Variants in CDH4 observed in about 807,000 individuals in gnomAD.
CDH4 encodes the protein cadherin 4.
CDH4 carries 33 observed loss-of-function variants against 86.0 expected under a neutral mutation model. The observed-to-expected ratio is 0.38, with a 90% CI of 0.29 to 0.51. CDH4 has a LOEUF of 0.51. Among genes scored for constraint, CDH4 ranks in the 20% least tolerant of loss-of-function variants. The probability of loss-of-function intolerance (pLI) is 0.86; values close to 1 mark genes in which losing one functional copy is unlikely to be tolerated. For missense variants in CDH4, 1,114 were observed against 1,307.4 expected (o/e 0.85, Z 2.28); for synonymous variants, 555 against 549.4 (o/e 1.01, Z -0.14).
intron 2 of CDH4, among the ~76,000 whole-genome samples, chr20:61,608,370 AAG>A (rs925052886): frequency 2.0e-5 from 3 of 152,276 alleles, no homozygotes; most frequent in African/African-American, 7.2e-5. Context: ...GAACAAAGAG[AAG>A]AGTCTATGAA....
chr20:61,471,645 T>C (rs1297443285), intron 2 of CDH4, among the ~76,000 whole-genome samples: 1 of 152,092 alleles, frequency 6.6e-6, no homozygotes, highest in Non-Finnish European at 1.5e-5. Context: ...TAGGTGCTTA[T>C]AGCTATAAAC....
rs1191892395 is a variant in CDH4 at position 61,626,348 on chromosome 20, A to G, written c.170-117215A>G. The stretch of plus-strand genomic sequence containing the variant: ...TGCAGAGGCCAGTTTCACTGGTCTC[A>G]TTGCACTGTCACCTGCGTTTTCTGT... On this transcript the variant is annotated intron_variant, in intron 2 of 15. Coordinates refer to ENST00000614565, the MANE Select transcript of CDH4 (RefSeq NM_001794.5). 4.6e-5 allele frequency among the ~76,000 whole-genome samples: 7 copies of G among 152,330 alleles called. No individual in the cohort carries two copies. The East Asian group carries it at 9.6e-4, about 21-fold the overall frequency.
At chr20:61,465,400 TCA>T (rs1323273235) in intron 2 of CDH4, among the ~76,000 whole-genome samples, 4 of 152,166 alleles carry the variant, frequency 2.6e-5, no homozygotes, top group African/African-American at 9.7e-5. Flanking sequence ...TCCTCTCTTT[TCA>T]CACACGTGAA....
chr20:61,675,772 C>T (rs11204441), intron 2 of CDH4, among the ~76,000 whole-genome samples: 10,715 of 57,922 alleles, frequency 0.18, 1,812 homozygotes, highest in Middle Eastern at 0.21. Flanking sequence ...ACAACCATCG[C>T]AGGGGCTGAG....
At chr20:61,901,537 T>C (rs1427855528) in intron 8 of CDH4, among the ~76,000 whole-genome samples, 1 of 152,226 alleles carries the variant, frequency 6.6e-6, no homozygotes, top group East Asian at 1.9e-4. Context: ...ACAGGAGCCG[T>C]CAGGGCCGGC....
At chr20:61,843,342 C>T (rs574183542) in intron 4 of CDH4, among the ~76,000 whole-genome samples, 2 of 149,098 alleles carry the variant, frequency 1.3e-5, no homozygotes, top group Non-Finnish European at 3.0e-5. Context: ...CCCAGCTACT[C>T]AGGAGGCTGA....
intron 2 of CDH4, among the ~76,000 whole-genome samples, chr20:61,273,291 A>G (rs113908105): frequency 0.023 from 878 of 37,650 alleles, no homozygotes; most frequent in Middle Eastern, 0.032. Flanking sequence ...AGTATTGGGG[A>G]AGTACCATGT....
chr20:61,561,319 T>C (rs4925255), intron 2 of CDH4, among the ~76,000 whole-genome samples: 40,615 of 152,238 alleles, frequency 0.27, 5,996 homozygotes, highest in African/African-American at 0.39. Context: ...CCCTGTGTTT[T>C]CACCACAGCC....
At chr20:61,283,494 G>T (rs1394344187) in intron 2 of CDH4, among the ~76,000 whole-genome samples, 1 of 114,288 alleles carries the variant, frequency 8.7e-6, no homozygotes, top group East Asian at 3.2e-4. Flanking sequence ...TGATGTAGGT[G>T]CATTTGCACG....
At chr20:61,705,838 A>T (rs1248190454) in intron 2 of CDH4, among the ~76,000 whole-genome samples, 1 of 152,238 alleles carries the variant, frequency 6.6e-6, no homozygotes, top group African/African-American at 2.4e-5. Flanking sequence ...TCTTCTGCAC[A>T]CATTTGTGTC....
intron 2 of CDH4, among the ~76,000 whole-genome samples, chr20:61,735,599 C>G (rs6121793): frequency 0.22 from 32,790 of 152,108 alleles, 3,809 homozygotes; most frequent in East Asian, 0.44. Flanking sequence ...CCAGCGCCTT[C>G]GGGGCCACTG....
At chr20:61,627,267 G>C (rs2086837906) in intron 2 of CDH4, among the ~76,000 whole-genome samples, 1 of 152,210 alleles carries the variant, frequency 6.6e-6, no homozygotes, top group South Asian at 2.1e-4. Flanking sequence ...GACTGTGCCA[G>C]AGTTCCACCC....
At chr20:61,636,720 C>T (rs745987015) in intron 2 of CDH4, among the ~76,000 whole-genome samples, 19 of 152,258 alleles carry the variant, frequency 1.2e-4, no homozygotes, top group Non-Finnish European at 2.4e-4. Context: ...GAGTTCCACG[C>T]CCTCCCCTGG....
intron 2 of CDH4, among the ~76,000 whole-genome samples, chr20:61,292,752 G>A (rs923557285): frequency 4.6e-5 from 7 of 152,272 alleles, no homozygotes; most frequent in Admixed American, 4.6e-4. Context: ...CCAGAAACAC[G>A]AGAAAATAGA....
chr20:61,679,432 C>T (rs531780776), intron 2 of CDH4, among the ~76,000 whole-genome samples: 6 of 152,288 alleles, frequency 3.9e-5, no homozygotes, highest in South Asian at 2.1e-4. Flanking sequence ...CTGGGGATCT[C>T]GCTGCTGTGG....
chr20:61,704,367 G>T (rs1600893194), intron 2 of CDH4, among the ~76,000 whole-genome samples: 1 of 152,184 alleles, frequency 6.6e-6, no homozygotes, highest in South Asian at 2.1e-4. Flanking sequence ...CAGGTCACTC[G>T]GGAGGAAGGA....
chr20:61,488,349 T>C (rs964570006), intron 2 of CDH4, among the ~76,000 whole-genome samples: 2 of 152,230 alleles, frequency 1.3e-5, no homozygotes, highest in East Asian at 1.9e-4. Context: ...TTTTAAAAGA[T>C]CATTCCACAA....
At chr20:61,730,390 A>G (rs1442990274) in intron 2 of CDH4, among the ~76,000 whole-genome samples, 1 of 152,056 alleles carries the variant, frequency 6.6e-6, no homozygotes, top group Non-Finnish European at 1.5e-5. Flanking sequence ...AATGTCATGG[A>G]GTTGGAATCC....
At chr20:61,295,351 G>A (rs944824627) in intron 2 of CDH4, among the ~76,000 whole-genome samples, 18 of 152,146 alleles carry the variant, frequency 1.2e-4, no homozygotes, top group African/African-American at 2.4e-4. Context: ...TCCAGCACCC[G>A]AAAGCACACT....
Sources: gnomAD v4.1 joint callset for allele counts (sites outside exome capture counted in the v4.1 genomes callset) on GRCh38, gnomAD v4.1.1 for gene constraint, MANE v1.5 for transcripts, NCBI Gene and HGNC (gene_info 2026-07-23, HGNC 2026-07-21) for gene names.